The following HPSE2 variants were observed in gnomAD, a reference collection of about 807,000 sequenced individuals.
HPSE2 encodes the protein inactive heparanase-2.
A neutral mutation model predicts 60.5 loss-of-function variants in HPSE2; 38 were observed. The ratio of observed to expected loss-of-function variants is 0.63; its 90% CI spans 0.48 to 0.82. The LOEUF (loss-of-function observed/expected upper bound fraction) is 0.82. Ranked by LOEUF, HPSE2 falls within the 40% of genes least tolerant of loss-of-function variation. The pLI, the probability that HPSE2 is intolerant of heterozygous loss-of-function variation, is 0.00. For synonymous variants in HPSE2, 295 were observed against 293.2 expected (o/e 1.01, Z -0.06); for missense variants, 713 against 740.4 (o/e 0.96, Z 0.43).
intron 3 of HPSE2, among the ~76,000 whole-genome samples, chr10:99,132,161 GA>G (rs1564832388): frequency 2.0e-4 from 1 of 4,928 alleles, no homozygotes; most frequent in African/African-American, 3.0e-4. Context: ...AAGAAAGAAA[GA>G]AAGAAAGAAA....
At chr10:98,958,539 G>C (rs1053698252) in intron 3 of HPSE2, among the ~76,000 whole-genome samples, 17 of 151,970 alleles carry the variant, frequency 1.1e-4, no homozygotes, top group African/African-American at 2.4e-4. Context: ...ATGAAATAAG[G>C]CTTATCTCAT....
intron 3 of HPSE2, among the ~76,000 whole-genome samples, chr10:99,065,436 A>G (rs1842583567): frequency 6.6e-6 from 1 of 152,182 alleles, no homozygotes; most frequent in Non-Finnish European, 1.5e-5. Flanking sequence ...AAAAAACAAA[A>G]CAAAACAAAG....
intron 2 of HPSE2, among the ~76,000 whole-genome samples, chr10:99,188,044 T>G (rs1848092374): frequency 6.6e-6 from 1 of 152,222 alleles, no homozygotes; most frequent in Non-Finnish European, 1.5e-5. Context: ...TATCCATGGT[T>G]TCTGCAAGGC....
At position 98,957,375 on chromosome 10, in the gene HPSE2, G is replaced by A. The variant is rs966532121; in HGVS notation, c.610+186863C>T. Among the ~76,000 whole-genome samples the A allele has an allele frequency of 2.0e-5, 3 of 152,108 alleles. No individual in the cohort carries two copies. In the East Asian group the frequency reaches 5.8e-4, roughly 29 times the overall value. On this transcript the variant is annotated intron_variant, in intron 3 of 11. Coordinates refer to ENST00000370552, the MANE Select transcript of HPSE2 (RefSeq NM_021828.5). Reference sequence around the variant, plus strand: ...TTTCTCTGGCCTCTCAGCTCCCTCGGCCTTCAGGGGTAGCTTTGCATAGAC... The same window carrying A: ...TTTCTCTGGCCTCTCAGCTCCCTCGACCTTCAGGGGTAGCTTTGCATAGAC...
chr10:99,117,061 C>A (rs570824040), intron 3 of HPSE2, among the ~76,000 whole-genome samples: 6 of 152,074 alleles, frequency 3.9e-5, no homozygotes, highest in African/African-American at 1.4e-4. Flanking sequence ...ATACATACAA[C>A]ACAAACTTTA....
chr10:98,830,680 A>T (rs1951664679), intron 3 of HPSE2, among the ~76,000 whole-genome samples: 1 of 152,204 alleles, frequency 6.6e-6, no homozygotes, highest in Non-Finnish European at 1.5e-5. Flanking sequence ...TTAACCAAGA[A>T]ATTTAAAGAG....
At chr10:98,541,437 A>T (rs1274502433) in intron 9 of HPSE2, among the ~76,000 whole-genome samples, 3 of 152,208 alleles carry the variant, frequency 2.0e-5, no homozygotes, top group Non-Finnish European at 4.4e-5. Context: ...TACCGGGTTC[A>T]TCTCACTAGG....
chr10:99,294,011 G>A, the HPSE2 span, among the ~76,000 whole-genome samples: 1 of 152,030 alleles, frequency 6.6e-6, no homozygotes, highest in Non-Finnish European at 1.5e-5. Flanking sequence ...CCAGATTCAG[G>A]TTTCCTCCTC....
At chr10:98,956,800 C>CAAAG (rs59293930) in intron 3 of HPSE2, among the ~76,000 whole-genome samples, 127,741 of 151,718 alleles carry the variant, frequency 0.84, 53,988 homozygotes, top group African/African-American at 0.89. Flanking sequence ...ATGTGCCTAA[C>CAAAG]AAAGAAAGGA....
chr10:98,493,522 A>G (rs915823355), intron 9 of HPSE2, among the ~76,000 whole-genome samples: 1 of 152,182 alleles, frequency 6.6e-6, no homozygotes, highest in African/African-American at 2.4e-5. Context: ...GCTGCACTGA[A>G]ACTTTTATTA....
the HPSE2 span, among the ~76,000 whole-genome samples, chr10:99,314,725 TTTTTA>T: frequency 9.1e-4 from 138 of 152,338 alleles, no homozygotes; most frequent in Non-Finnish European, 1.7e-3. Context: ...AAATAAATCC[TTTTTA>T]TTTTATTTTT....
At chr10:98,516,789 T>C (rs556260260) in intron 9 of HPSE2, among the ~76,000 whole-genome samples, 40 of 152,192 alleles carry the variant, frequency 2.6e-4, no homozygotes, top group Non-Finnish European at 4.6e-4. Context: ...TGAAGCTCAT[T>C]GTCCAGACCT....
the HPSE2 span, among the ~76,000 whole-genome samples, chr10:99,313,592 AT>A: frequency 4.6e-4 from 39 of 84,636 alleles, no homozygotes; most frequent in East Asian, 4.3e-3. Context: ...ACTGACTCCA[AT>A]TTTTTTTTTT....
the HPSE2 span, among the ~76,000 whole-genome samples, chr10:99,291,701 G>A: frequency 6.6e-6 from 1 of 152,030 alleles, no homozygotes; most frequent in South Asian, 2.1e-4. Flanking sequence ...AGCCTCGAGA[G>A]AAGAGATTTT....
intron 9 of HPSE2, among the ~76,000 whole-genome samples, chr10:98,525,361 C>A (rs1180225932): frequency 2.6e-5 from 4 of 152,142 alleles, no homozygotes; most frequent in Admixed American, 6.6e-5. Flanking sequence ...CCCATTTAGT[C>A]CCCACCCAAA....
chr10:99,254,773 T>C, the HPSE2 span, among the ~76,000 whole-genome samples: 1 of 152,176 alleles, frequency 6.6e-6, no homozygotes, highest in African/African-American at 2.4e-5. Flanking sequence ...ACAGTGTGGA[T>C]GAGCTTTGAA....
chr10:98,976,978 C>T (rs1956100600), intron 3 of HPSE2, among the ~76,000 whole-genome samples: 1 of 151,970 alleles, frequency 6.6e-6, no homozygotes, highest in Non-Finnish European at 1.5e-5. Flanking sequence ...CACCCACAAG[C>T]CAAGGAATGC....
intron 7 of HPSE2, among the ~76,000 whole-genome samples, chr10:98,628,181 CT>C (rs1486885326): frequency 4.1e-4 from 63 of 152,208 alleles, no homozygotes; most frequent in African/African-American, 1.5e-3. Flanking sequence ...CCGTGGGAGG[CT>C]TATGAACTCT....
chr10:99,182,254 A>T (rs1003818710), intron 2 of HPSE2, among the ~76,000 whole-genome samples: 4 of 152,228 alleles, frequency 2.6e-5, no homozygotes. Context: ...AGGCTTCTAC[A>T]TTCTGCCAAT....
Sources: allele counts gnomAD v4.1 joint callset (sites outside exome capture counted in the v4.1 genomes callset), GRCh38; gene constraint gnomAD v4.1.1; transcripts MANE v1.5; gene names NCBI Gene and HGNC (gene_info 2026-07-23, HGNC 2026-07-21).